The following TFR2 variants were observed in gnomAD, a reference collection of about 807,000 sequenced individuals.
TFR2 encodes the protein transferrin receptor protein 2.
TFR2 carries 64 observed loss-of-function variants against 91.9 expected under a neutral mutation model. That is an observed-to-expected ratio of 0.70 (90% CI 0.57 to 0.86). TFR2 has a LOEUF of 0.86. Ranked by LOEUF, TFR2 falls within the 40% of genes least tolerant of loss-of-function variation. TFR2 has a pLI of 0.00. For missense variants in TFR2, 950 were observed against 1,080.5 expected (o/e 0.88, Z 1.69); for synonymous variants, 454 against 459.6 (o/e 0.99, Z 0.15).
intron 6 of TFR2, chr7:100,632,669 C>T: frequency 2.8e-6 from 1 of 351,990 alleles, no homozygotes; most frequent in Non-Finnish European, 5.3e-6. Context: ...CCCACCGGAG[C>T]CTCCGGAGTA....
At chr7:100,631,364 C>G (rs922640738) in intron 8 of TFR2, 1 of 187,748 alleles carries the variant, frequency 5.3e-6, no homozygotes, top group African/African-American at 2.5e-5. Context: ...CATGGTGGCT[C>G]ACACCTGTAA....
intron 3 of TFR2, among the ~76,000 whole-genome samples, chr7:100,634,293 C>T (rs1803533200): frequency 6.6e-6 from 1 of 152,086 alleles, no homozygotes; most frequent in Non-Finnish European, 1.5e-5. Flanking sequence ...CCATCCTCCA[C>T]GTGGGCCTCA....
In TFR2 at chr7:100,626,891, T is replaced by G; in HGVS notation, c.2008A>C (p.Thr670Pro). The G allele has an allele frequency of 6.5e-7, 1 of 1,542,088 alleles. No individual in the cohort carries two copies. The highest frequency in any genetic ancestry group is 8.7e-7 in the Non-Finnish European group (1 of 1,146,466). ...CGCGCCGAGTACACCCACTGCAGGG[T>G]CAGCCCGCGGGCCTGGGGTGGGGAG... ...FSGDLKARGL[T>P]LQWVYSARGD... is the part of the protein sequence containing the mutation. Residue 670 changes from threonine (T) to proline (P), a missense_variant, in exon 17 of 18, where the codon ACC becomes CCC. Thr to Pro is a conservative substitution (Grantham distance 38). Transcript: ENST00000223051.
chr7:100,633,621 G>T, intron 3 of TFR2, 65 bp from the exon 4 acceptor site: 1 of 1,539,100 alleles, frequency 6.5e-7, no homozygotes, highest in Non-Finnish European at 8.7e-7. Context: ...AGGGAAGGAT[G>T]CCAGAGACGT....
intron 8 of TFR2, chr7:100,631,545 A>C: frequency 2.6e-6 from 1 of 387,514 alleles, no homozygotes; most frequent in Middle Eastern, 7.6e-4. Context: ...AATCACTTGA[A>C]CCCGGGAGGT....
chr7:100,626,254 G>C (rs1803245883), intron 17 of TFR2, among the ~76,000 whole-genome samples: 1 of 152,142 alleles, frequency 6.6e-6, no homozygotes, highest in Non-Finnish European at 1.5e-5. Flanking sequence ...ATTGGTGAGG[G>C]AATAAGCTCT....
intron 9 of TFR2, among the ~76,000 whole-genome samples, 198 bp from the exon 10 acceptor site, chr7:100,629,570 A>C (rs1803369870): frequency 6.6e-6 from 1 of 152,044 alleles, no homozygotes; most frequent in Admixed American, 6.6e-5. Flanking sequence ...GCCTGAGGTC[A>C]TTCTGGACTT....
At chr7:100,634,901 G>C (rs1803545139) in intron 3 of TFR2, among the ~76,000 whole-genome samples, 1 of 151,982 alleles carries the variant, frequency 6.6e-6, no homozygotes, top group South Asian at 2.1e-4. Context: ...CCTGGTTATA[G>C]TCTTTCTTTA....
rs369755113 is a variant in TFR2 at position 100,627,920 on chromosome 7, C to T, written c.1592G>A (p.Ser531Asn). ...GGGTGCTCTTGCCTGCTTCAGGACA[C>T]TCTCAATGAGACTTGTCAGAAGGGG... ...TSPLLTSLIE[S>N]VLKQVDSPNH... Residue 531 changes from serine (S) to asparagine (N), a missense_variant, in exon 13 of 18, where the codon AGT becomes AAT. Coordinates refer to ENST00000223051, the MANE Select transcript of TFR2 (RefSeq NM_003227.4). The T allele has an allele frequency of 1.2e-6, 2 of 1,614,068 alleles. No homozygotes were observed. The highest frequency in any genetic ancestry group is 1.7e-6 in the Non-Finnish European group (2 of 1,179,982).
intron 17 of TFR2, chr7:100,626,344 T>A (rs1803248129): frequency 1.5e-6 from 1 of 655,842 alleles, no homozygotes; most frequent in Admixed American, 6.3e-5. Context: ...AAAACAGCTC[T>A]CTTACTCTGA....
rs1163935329 is a variant in TFR2, at chr7:100,626,879, C to T, written c.2020G>A (p.Val674Met). 1.9e-6 allele frequency: 3 copies of T among 1,545,662 alleles called. No homozygotes were observed. In the African/African-American group the frequency reaches 4.1e-5, roughly 21 times the overall value. The change falls in exon 17 of 18, where the codon GTG (valine) becomes ATG (methionine). Residue 674 changes from valine (V) to methionine (M), a missense_variant. Val to Met is a conservative substitution (Grantham distance 21). Transcript: ENST00000223051. ...ATGTAGTCCCCCCGCGCCGAGTACA[C>T]CCACTGCAGGGTCAGCCCGCGGGCC... The part of the protein sequence containing the change: ...LKARGLTLQW[V>M]YSARGDYIRA...
rs41295900 is a variant in TFR2, at chr7:100,628,094, T to C, written c.1516A>G (p.Ser506Gly). 9.3e-6 allele frequency: 15 copies of C among 1,614,072 alleles called. No individual in the cohort carries two copies. The East Asian group carries it at 3.3e-4, about 36-fold the overall frequency. The change falls in exon 12 of 18, where the codon AGC (serine) becomes GGC (glycine). Residue 506 changes from serine to glycine, a missense_variant. By Grantham distance (56) the Ser-to-Gly change is moderately conservative. Transcript: ENST00000223051. ...TCACCCAGCACTGCGTTGTCCAGGCTCACGTACACTACGGCTTTGAGGTGC... is the reference window on the plus strand; with the variant it reads ...TCACCCAGCACTGCGTTGTCCAGGCCCACGTACACTACGGCTTTGAGGTGC... The part of the protein sequence containing the change: ...VLHLKAVVYV[S>G]LDNAVLGDDK...
At chr7:100,639,113 G>C (rs192193108) in intron 3 of TFR2, among the ~76,000 whole-genome samples, 3 of 152,268 alleles carry the variant, frequency 2.0e-5, no homozygotes, top group Non-Finnish European at 4.4e-5. Context: ...TGTAATCCCA[G>C]CACTTTGGGA....
At position 100,629,338 on chromosome 7, in the gene TFR2, T is replaced by C. The variant is rs372014293; in HGVS notation, c.1305A>G (p.Ala435=). The C allele has an allele frequency of 1.1e-5, 18 of 1,614,000 alleles. No homozygotes were observed. In the African/African-American group the frequency reaches 2.4e-4, roughly 22 times the overall value. The change falls in exon 10 of 18, where the codon GCA becomes GCG. Residue 435 remains alanine (A), a synonymous_variant. Coordinates refer to ENST00000223051, the MANE Select transcript of TFR2 (RefSeq NM_003227.4). ...HYVVIGAQRD[A]WGPGAAKSAV... ...CGGATTTAGCTGCTCCTGGGCCCCA[T>C]GCATCCCTCTGGGCCCCGATGACAA...
chr7:100,624,776 G>T (rs945552261), intron 17 of TFR2, among the ~76,000 whole-genome samples: 5 of 151,896 alleles, frequency 3.3e-5, no homozygotes, highest in African/African-American at 1.2e-4. Flanking sequence ...CTGAGGTGAG[G>T]TGAGAGGATT....
rs886061833 is a variant in TFR2, at chr7:100,627,937, C to T, written c.1575G>A (p.Leu525=). The T allele has an allele frequency of 1.2e-6, 2 of 1,614,032 alleles. No individual in the cohort carries two copies. The highest frequency in any genetic ancestry group is 2.2e-5 in the East Asian group (1 of 44,864). The part of the protein sequence containing the change: ...DKFHAKTSPL[L]TSLIESVLKQ... The stretch of plus-strand genomic sequence containing the variant: ...TCAGGACACTCTCAATGAGACTTGT[C>T]AGAAGGGGGCTGGTCTTGGCATGAA... The change falls in exon 13 of 18, where the codon CTG becomes CTA. Residue 525 remains leucine, a synonymous_variant. Coordinates refer to ENST00000223051, the MANE Select transcript of TFR2 (RefSeq NM_003227.4).
chr7:100,631,795 A>T lies in TFR2; in HGVS notation c.1106+11T>A. On this transcript the variant is annotated intron_variant, in intron 8 of 17. Transcript: ENST00000223051. ...GCTTCCTCCTCTTCTGGTCCCCAAC[A>T]CTCCCCTCACCTCAGCAGGCGGGAG... 6.2e-7 allele frequency: 1 copy of T among 1,609,472 alleles called. No homozygotes were observed. Among genetic ancestry groups the T allele is most frequent in the South Asian group, 1.1e-5 (1 of 90,608 alleles).
At chr7:100,641,362 G>T in intron 1 of TFR2, 115 bp downstream of exon 1, 1 of 1,462,286 alleles carries the variant, frequency 6.8e-7, no homozygotes, top group Non-Finnish European at 9.3e-7. Context: ...GGGCAGGGGT[G>T]GGAAGAAGCG....
chr7:100,636,170 C>CTTTT (rs10584926), intron 3 of TFR2, among the ~76,000 whole-genome samples: 3 of 85,730 alleles, frequency 3.5e-5, no homozygotes, highest in Non-Finnish European at 6.4e-5. Context: ...CACCCTGCAT[C>CTTTT]TTTTTTTTTT....
Sources: gnomAD v4.1 joint callset for allele counts (sites outside exome capture counted in the v4.1 genomes callset) on GRCh38, gnomAD v4.1.1 for gene constraint, MANE v1.5 for transcripts, NCBI Gene and HGNC (gene_info 2026-07-23, HGNC 2026-07-21) for gene names.